Variants in PCDHGA7 observed in about 807,000 individuals in gnomAD.
The protein encoded by PCDHGA7 is protocadherin gamma subfamily A, 7, also known as protocadherin gamma-A7.
Under a neutral mutation model 58.3 loss-of-function variants are expected in PCDHGA7, and 44 were observed. That is an observed-to-expected ratio of 0.75 (90% CI 0.59 to 0.97). PCDHGA7 has a LOEUF of 0.97. PCDHGA7 is among the 50% of genes least tolerant of loss of function. The pLI, the probability that PCDHGA7 is intolerant of heterozygous loss-of-function variation, is 0.00. For synonymous variants in PCDHGA7, 516 were observed against 504.2 expected (o/e 1.02, Z -0.31); for missense variants, 1,266 against 1,188.7 (o/e 1.06, Z -0.96).
intron 1 of PCDHGA7, among the ~76,000 whole-genome samples, chr5:141,454,989 T>C (rs1460420144): frequency 6.6e-6 from 1 of 151,506 alleles, no homozygotes; most frequent in East Asian, 2.0e-4. Context: ...TTAAAAAATA[T>C]TTTTAGTAGA....
In PCDHGA7 at chr5:141,502,614, T is replaced by C. The variant is rs534996288; in HGVS notation, c.2484-2779T>C. Among the ~76,000 whole-genome samples the C allele has an allele frequency of 7.2e-5, 11 of 152,316 alleles. No homozygotes were observed. In the East Asian group the frequency reaches 1.7e-3, roughly 24 times the overall value. ...AGATATTTTAAAATATTTGTGAAAATATAAGTAATCTGTGGATGATACTTT... is the reference window on the plus strand; with the variant it reads ...AGATATTTTAAAATATTTGTGAAAACATAAGTAATCTGTGGATGATACTTT... On this transcript the variant is annotated intron_variant, in intron 2 of 3. Transcript: ENST00000518325.
Position 141,414,697 on chromosome 5 carries a change from T to A in PCDHGA7, c.2424+29374T>A, listed in dbSNP as rs748722995. The A allele has an allele frequency of 9.3e-6, 15 of 1,614,036 alleles. No homozygotes were observed. Among genetic ancestry groups the A allele is most frequent in the Non-Finnish European group, 1.3e-5 (15 of 1,179,930 alleles). ...CATCCAGGGGGTACCTCTGTCCTCA[T>A]ACATATCCATCAACTCAGACACTGG... is the stretch of plus-strand genomic sequence containing the variant. On this transcript the variant is annotated intron_variant, in intron 1 of 3. Transcript: ENST00000518325.
chr5:141,490,640 G>C lies in PCDHGA7; in HGVS notation c.2425-4167G>C, dbSNP rs774630488. 1 of 1,614,122 alleles carries C rather than the reference G, an allele frequency of 6.2e-7. No individual in the cohort carries two copies. The highest frequency in any genetic ancestry group is 8.5e-7 in the Non-Finnish European group (1 of 1,180,012). On this transcript the variant is annotated intron_variant, in intron 1 of 3. Coordinates refer to ENST00000518325, the MANE Select transcript of PCDHGA7 (RefSeq NM_018920.4). This position sits in a 1 kb window ranked among gnomAD's most constrained non-coding sequence, Gnocchi z 5.4. The stretch of plus-strand genomic sequence containing the variant: ...TACACTGCTTACATCCTAGAAAACC[G>C]GCCTCCGGGCTCCCTTCTTTGCACT...
At chr5:141,459,710 C>T (rs2098973565) in intron 1 of PCDHGA7, among the ~76,000 whole-genome samples, 1 of 152,204 alleles carries the variant, frequency 6.6e-6, no homozygotes, top group Non-Finnish European at 1.5e-5. Flanking sequence ...CATTTTCTCA[C>T]CAATGCTTCC....
chr5:141,447,449 C>A (rs2098539583), intron 1 of PCDHGA7, among the ~76,000 whole-genome samples: 1 of 152,058 alleles, frequency 6.6e-6, no homozygotes, highest in Non-Finnish European at 1.5e-5. Flanking sequence ...AAATTTTTAA[C>A]CTCAGTTTTT....
Position 141,489,368 on chromosome 5 carries a change from C to T in PCDHGA7, c.2425-5439C>T, listed in dbSNP as rs889945954. The T allele has an allele frequency of 1.2e-5, 20 of 1,613,264 alleles. No homozygotes were observed. The highest frequency in any genetic ancestry group is 1.6e-5 in the Non-Finnish European group (19 of 1,179,484). On this transcript the variant is annotated intron_variant, in intron 1 of 3. Transcript: ENST00000518325. The surrounding 1 kb of genome is among the most constrained non-coding windows in gnomAD (Gnocchi z 4.5). The stretch of plus-strand genomic sequence containing the variant: ...GTGGTGGAGGAGTCTGAGCCGGGGA[C>T]GCTGGTGGGGAATGTTGCTCAGGAT...
At chr5:141,507,785 C>T (rs1203302886) in intron 3 of PCDHGA7, among the ~76,000 whole-genome samples, 1 of 152,222 alleles carries the variant, frequency 6.6e-6, no homozygotes, top group African/African-American at 2.4e-5. Context: ...GCCTGACCCT[C>T]GTCTAAGCCT....
chr5:141,427,428 T>C (rs1489623330), intron 1 of PCDHGA7: 3 of 470,472 alleles, frequency 6.4e-6, no homozygotes, highest in Admixed American at 4.7e-5. Context: ...GGAGGTTACA[T>C]GCCTCATAAA....
At chr5:141,404,233 AG>A (rs2094501302) in intron 1 of PCDHGA7, 1 of 1,613,628 alleles carries the variant, frequency 6.2e-7, no homozygotes, top group African/African-American at 1.3e-5. Flanking sequence ...CAACAGACAG[AG>A]GAACTCCGCC....
At chr5:141,483,082 C>T (rs2099576709) in intron 1 of PCDHGA7, among the ~76,000 whole-genome samples, 1 of 151,662 alleles carries the variant, frequency 6.6e-6, no homozygotes, top group African/African-American at 2.4e-5. Flanking sequence ...GAGACTCCAT[C>T]TCAAAAAAAA....
At position 141,491,413 on chromosome 5, in the gene PCDHGA7, G is replaced by A. The variant is rs1193417991; in HGVS notation, c.2425-3394G>A. 5.6e-6 allele frequency: 9 copies of A among 1,613,946 alleles called. No individual in the cohort carries two copies. Among genetic ancestry groups the A allele is most frequent in the Non-Finnish European group, 7.6e-6 (9 of 1,179,986 alleles). On this transcript the variant is annotated intron_variant, in intron 1 of 3. Transcript: ENST00000518325. The surrounding 1 kb of genome is among the most constrained non-coding windows in gnomAD (Gnocchi z 6.9). Reference sequence around the variant, plus strand: ...CCTTCAGGGAAACGCAGACGGGGACGGGGGTGGAGGGCAGTGCTGCAGGCG... The same window carrying A: ...CCTTCAGGGAAACGCAGACGGGGACAGGGGTGGAGGGCAGTGCTGCAGGCG...
chr5:141,393,766 A>G, intron 1 of PCDHGA7: 2 of 1,613,950 alleles, frequency 1.2e-6, no homozygotes. Flanking sequence ...TATGAAATGG[A>G]AATACAAGCC....
At chr5:141,389,412 G>C (rs1039259671) in intron 1 of PCDHGA7, 21 of 1,613,470 alleles carry the variant, frequency 1.3e-5, no homozygotes, top group Non-Finnish European at 1.3e-5. Flanking sequence ...CGCGGAGAGC[G>C]GGGTGGTGTT....
Position 141,493,404 on chromosome 5 carries a change from C to T in PCDHGA7, c.2425-1403C>T, listed in dbSNP as rs2099748048. Among the ~76,000 whole-genome samples, 1 of 152,148 alleles carries T rather than the reference C, an allele frequency of 6.6e-6. No individual in the cohort carries two copies. Among genetic ancestry groups the T allele is most frequent in the South Asian group, 2.1e-4 (1 of 4,826 alleles). ...CTTGAGGACAGGAGAGGGGAGTTGC[C>T]TCTGCTGGGATTTTGCTTCTGCTGG... On this transcript the variant is annotated intron_variant, in intron 1 of 3. Transcript: ENST00000518325. The surrounding 1 kb of genome is among the most constrained non-coding windows in gnomAD (Gnocchi z 4.3).
chr5:141,483,350 G>C (rs2099580423), intron 1 of PCDHGA7, among the ~76,000 whole-genome samples: 4 of 152,172 alleles, frequency 2.6e-5, no homozygotes, highest in Admixed American at 1.3e-4. Flanking sequence ...CTTTGCAATA[G>C]TTTGAAAGCT....
chr5:141,421,125 C>G, intron 1 of PCDHGA7: 1 of 804,210 alleles, frequency 1.2e-6, no homozygotes, highest in Admixed American at 3.0e-5. Flanking sequence ...CCTTCGCTTT[C>G]TGATATATTT....
Position 141,511,390 on chromosome 5 carries a change from C to T in PCDHGA7, c.*217C>T, listed in dbSNP as rs2099883760. 1.8e-6 allele frequency: 2 copies of T among 1,101,460 alleles called. No individual in the cohort carries two copies. Among genetic ancestry groups the T allele is most frequent in the Admixed American group, 2.9e-5 (1 of 34,440 alleles). The allele number at this position is 1,101,460 out of a possible 1,614,324, so 68.2% of individuals were successfully genotyped here. A position where few individuals can be genotyped will look rare whatever the true frequency, so the allele number is the denominator to read the frequency against. On this transcript the variant is annotated 3_prime_UTR_variant, in exon 4 of 4. Transcript: ENST00000518325. ...ATGCAAAAGCAGTTCCGCTGGGAAC[C>T]CCCATCCAATCAACTGCTGTACCCA... is the stretch of plus-strand genomic sequence containing the variant.
At position 141,431,427 on chromosome 5, in the gene PCDHGA7, C is replaced by G. The variant is rs1269666597; in HGVS notation, c.2424+46104C>G. The stretch of plus-strand genomic sequence containing the variant: ...TCCGACGGGGGCGACCCGGTGCGCA[C>G]AGGCACCGCGCGCATCCGCGTGATG... On this transcript the variant is annotated intron_variant, in intron 1 of 3. Transcript: ENST00000518325. The surrounding 1 kb of genome is among the most constrained non-coding windows in gnomAD (Gnocchi z 4.8). 1.2e-6 allele frequency: 2 copies of G among 1,613,584 alleles called. No homozygotes were observed.
intron 1 of PCDHGA7, chr5:141,418,003 G>T (rs1441842557): frequency 6.2e-7 from 1 of 1,613,798 alleles, no homozygotes; most frequent in Non-Finnish European, 8.5e-7. Context: ...CGGTGGTGGG[G>T]AACCTCGCTA....
Sources: allele counts gnomAD v4.1 joint callset (sites outside exome capture counted in the v4.1 genomes callset), GRCh38; gene constraint gnomAD v4.1.1; non-coding constraint Gnocchi (gnomAD v3.1); transcripts MANE v1.5; gene names NCBI Gene and HGNC (gene_info 2026-07-23, HGNC 2026-07-21).